The following NUP58 variants were observed in gnomAD, a reference collection of about 807,000 sequenced individuals.
NUP58 encodes nucleoporin p58/p45.
NUP58 carries 17 observed loss-of-function variants against 70.1 expected under a neutral mutation model. That is an observed-to-expected ratio of 0.24 (90% CI 0.17 to 0.36). The LOEUF is 0.36. Ranked by LOEUF, NUP58 falls within the 10% of genes least tolerant of loss-of-function variation. The probability of loss-of-function intolerance (pLI) is 1.00; values close to 1 mark genes in which losing one functional copy is unlikely to be tolerated. For missense variants in NUP58, 644 were observed against 701.5 expected, an observed-to-expected ratio of 0.92 and a Z score of 0.93; for synonymous variants, 275 against 257.6, an observed-to-expected ratio of 1.07 and a Z score of -0.65.
chr13:25,316,345 GA>G (rs2030928261), intron 6 of NUP58, among the ~76,000 whole-genome samples: 1 of 151,994 alleles, frequency 6.6e-6, no homozygotes, highest in African/African-American at 2.4e-5. Flanking sequence ...TGTTTCACTA[GA>G]ATATATACCA....
chr13:25,315,567 TTAG>T lies in NUP58; in HGVS notation c.685+106_685+108del, dbSNP rs202198642. On this transcript the variant is annotated intron_variant, in intron 6 of 15. Coordinates refer to ENST00000381736, the MANE Select transcript of NUP58 (RefSeq NM_014089.4). Reference sequence around the variant, plus strand: ...GTGTGGAAGATTAGCAGTTATATATTTAGTAGTAACAGTTAGCTATCTTAATGT... The same window carrying T: ...GTGTGGAAGATTAGCAGTTATATATTTAGTAACAGTTAGCTATCTTAATGT... 1,609 of 770,708 alleles carry T rather than the reference TTAG, an allele frequency of 2.1e-3. 20 individuals are homozygous for T. In the African/African-American group the frequency reaches 0.024, roughly 11 times the overall value. 47.7% of individuals were successfully genotyped at this position (770,708 alleles called of 1,614,324 possible).
intron 14 of NUP58, among the ~76,000 whole-genome samples, chr13:25,337,910 A>T (rs556091909): frequency 5.7e-4 from 87 of 152,302 alleles, no homozygotes; most frequent in African/African-American, 2.0e-3. Context: ...AAAGAATTTG[A>T]ACTTTATTTG....
chr13:25,326,932 G>A lies in NUP58; in HGVS notation c.1048G>A (p.Val350Ile), dbSNP rs201455225. 1.3e-6 allele frequency: 2 copies of A among 1,581,352 alleles called. No individual in the cohort carries two copies. Among genetic ancestry groups the A allele is most frequent in the Admixed American group, 1.8e-5 (1 of 54,756 alleles). Residue 350 changes from valine (V) to isoleucine (I), a missense_variant, in exon 11 of 16, where the codon GTT becomes ATT. This residue lies in a region of NUP58 where 430 missense variants were observed against 409.2 expected (regional missense o/e 1.05). Transcript: ENST00000381736. ...AAPADYFRIL[V>I]QQFEVQLQQY... ...TTTTTAAAGCTACTTCAGAATCTTG[G>A]TTCAGCAATTTGAGGTACAGCTTCA...
At chr13:25,326,891 C>T (rs1436036437) in intron 10 of NUP58, 25 bp from the exon 11 acceptor site, 1 of 1,322,290 alleles carries the variant, frequency 7.6e-7, no homozygotes, top group Non-Finnish European at 1.1e-6. Context: ...AATATTTGAT[C>T]TGACTTTTTA....
chr13:25,333,812 CTAGATGAGGG>C, intron 13 of NUP58: 3 of 985,352 alleles, frequency 3.0e-6, no homozygotes, highest in Non-Finnish European at 3.6e-6. Context: ...TTTAGACCAT[CTAGATGAGGG>C]TAGAGAGAGC....
intron 6 of NUP58, 117 bp downstream of exon 6, chr13:25,315,584 C>T (rs2030890500): frequency 5.7e-6 from 4 of 697,510 alleles, no homozygotes; most frequent in Non-Finnish European, 5.1e-6. Flanking sequence ...TAACAGTTAG[C>T]TATCTTAATG....
intron 1 of NUP58, among the ~76,000 whole-genome samples, chr13:25,305,169 G>T (rs1232840232): frequency 2.9e-5 from 2 of 69,740 alleles, no homozygotes; most frequent in Admixed American, 2.1e-4. Context: ...TTTGAGACAG[G>T]GCCTTGCCCT....
intron 3 of NUP58, 61 bp from the exon 4 acceptor site, chr13:25,312,822 A>G: frequency 6.7e-7 from 1 of 1,498,082 alleles, no homozygotes. Flanking sequence ...AGTATAATAG[A>G]ACACTTACAG....
chr13:25,317,528 AGTT>A (rs1262609496), intron 6 of NUP58, among the ~76,000 whole-genome samples: 1 of 152,182 alleles, frequency 6.6e-6, no homozygotes, highest in African/African-American at 2.4e-5. Flanking sequence ...AACAGGCTCA[AGTT>A]TTTTTTATAT....
rs768669134 is a variant in NUP58 at position 25,301,761 on chromosome 13, G to C, written c.-13G>C. On this transcript the variant is annotated 5_prime_UTR_variant, in exon 1 of 16. Transcript: ENST00000381736. ...CATTTCGCCTTGCTGACGGCGTCGA[G>C]CCCTGGCCAGACATGTCCACAGGGT... The C allele has an allele frequency of 1.3e-6, 2 of 1,587,148 alleles. No individual in the cohort carries two copies. The highest frequency in any genetic ancestry group is 1.7e-6 in the Non-Finnish European group (2 of 1,161,742).
chr13:25,309,258 A>T lies in NUP58; in HGVS notation c.262A>T (p.Thr88Ser). The T allele has an allele frequency of 1.2e-6, 2 of 1,607,048 alleles. No individual in the cohort carries two copies. Among genetic ancestry groups the T allele is most frequent in the Non-Finnish European group, 1.7e-6 (2 of 1,174,138 alleles). The part of the protein sequence containing the change: ...LGGTNTGIAT[T>S]ITTGLTLGTP... ...CTTTTTGTCCCCAGGAATAGCAACA[A>T]CTATAACTACAGGATTAACTCTGGG... Residue 88 changes from threonine (T) to serine (S), a missense_variant, in exon 3 of 16, where the codon ACT (threonine) becomes TCT (serine). Around this residue, in one of 4 missense-constraint regions of NUP58, gnomAD observed 430 missense variants for 409.2 expected, o/e 1.05. Coordinates refer to ENST00000381736, the MANE Select transcript of NUP58 (RefSeq NM_014089.4).
intron 6 of NUP58, 119 bp downstream of exon 6, chr13:25,315,586 A>C: frequency 1.5e-6 from 1 of 687,864 alleles, no homozygotes; most frequent in Non-Finnish European, 2.6e-6. Context: ...ACAGTTAGCT[A>C]TCTTAATGTG....
At chr13:25,315,245 A>G (rs538696334) in intron 5 of NUP58, 112 bp from the exon 6 acceptor site, 40 of 783,134 alleles carry the variant, frequency 5.1e-5, no homozygotes, top group African/African-American at 1.0e-4. Context: ...TGCCTAAATC[A>G]AATATGAAGA....
chr13:25,327,376 G>C (rs998588579), intron 11 of NUP58, 54 bp from the exon 12 acceptor site: 2 of 1,154,168 alleles, frequency 1.7e-6, no homozygotes, highest in African/African-American at 3.1e-5. Flanking sequence ...AAATAAAATG[G>C]ATTGTGCTAT....
intron 4 of NUP58, 121 bp from the exon 5 acceptor site, chr13:25,313,493 A>G (rs1482815228): frequency 1.2e-6 from 1 of 863,352 alleles, no homozygotes. Flanking sequence ...TTTAGCAAGT[A>G]GTTCTTCCAA....
intron 9 of NUP58, among the ~76,000 whole-genome samples, chr13:25,321,832 G>A (rs948623144): frequency 3.3e-5 from 5 of 152,028 alleles, no homozygotes; most frequent in African/African-American, 4.8e-5. Context: ...CAGGAGAATC[G>A]CTTGAACCTG....
Position 25,336,929 on chromosome 13 carries a change from A to G in NUP58, c.1436-7A>G. On this transcript the variant is annotated splice_polypyrimidine_tract_variant and splice_region_variant and intron_variant, in intron 13 of 15. Transcript: ENST00000381736. ...TCCCCCCCATTTTTTTTTTTTTTTT[A>G]TACCAGGGCCACAGCCATCTCTGGG... The G allele has an allele frequency of 7.5e-7, 1 of 1,330,392 alleles. No individual in the cohort carries two copies. The highest frequency in any genetic ancestry group is 9.7e-7 in the Non-Finnish European group (1 of 1,027,268). The allele number at this position is 1,330,392 out of a possible 1,614,324, so 82.4% of individuals were successfully genotyped here. A position where few individuals can be genotyped will look rare whatever the true frequency, so the allele number is the denominator to read the frequency against.
At chr13:25,336,716 A>T (rs1472895371) in intron 13 of NUP58, among the ~76,000 whole-genome samples, 2 of 152,074 alleles carry the variant, frequency 1.3e-5, no homozygotes, top group Non-Finnish European at 2.9e-5. Context: ...GAACAGGTTA[A>T]TTTTTTTAAA....
chr13:25,321,378 G>A (rs1419657601), intron 9 of NUP58, among the ~76,000 whole-genome samples: 2 of 152,248 alleles, frequency 1.3e-5, no homozygotes, highest in Admixed American at 6.5e-5. Flanking sequence ...AAGAAAAAAA[G>A]CACAGAGCTT....
Sources: allele counts gnomAD v4.1 joint callset (sites outside exome capture counted in the v4.1 genomes callset), GRCh38; gene constraint gnomAD v4.1.1; regional missense constraint gnomAD v4.1.1; transcripts MANE v1.5; gene names NCBI Gene and HGNC (gene_info 2026-07-23, HGNC 2026-07-21).